SEMA4F: variants seen among roughly 807,000 people sequenced by gnomAD.
The protein encoded by SEMA4F is semaphorin-4F.
In SEMA4F, 51 loss-of-function variants were observed where a neutral mutation model predicts 78.4. The observed-to-expected ratio is 0.65, with a 90% CI of 0.52 to 0.82. The LOEUF is 0.82. Ranked by LOEUF, SEMA4F falls within the 40% of genes least tolerant of loss-of-function variation. SEMA4F has a pLI of 0.00. For missense variants in SEMA4F, 938 were observed against 1,014.4 expected (o/e 0.92, Z 1.02); for synonymous variants, 418 against 408.7 (o/e 1.02, Z -0.27).
rs1274076107 is a variant in SEMA4F at position 74,683,589 on chromosome 2, G to A, written c.*3380G>A. The A allele has an allele frequency of 2.0e-5, 3 of 152,368 alleles. No individual in the cohort carries two copies. Among genetic ancestry groups the A allele is most frequent in the African/African-American group, 4.8e-5 (2 of 41,438 alleles). 9.4% of individuals were successfully genotyped at this position (152,368 alleles called of 1,614,324 possible). On this transcript the variant is annotated 3_prime_UTR_variant, in exon 14 of 14. Transcript: ENST00000357877. ...CTGTGGCATAGAGGATTGTGAGAAA[G>A]GGTCCCCATGCTTGGTGTGGAAGGA...
At chr2:74,672,032 T>G (rs184653727) in intron 5 of SEMA4F, among the ~76,000 whole-genome samples, 4 of 152,374 alleles carry the variant, frequency 2.6e-5, no homozygotes, top group African/African-American at 9.6e-5. Flanking sequence ...TAGCATTATC[T>G]TTTTAAAAAA....
chr2:74,680,511 T>G lies in SEMA4F; in HGVS notation c.*302T>G, dbSNP rs372453768. ...GCCCCCTATCTTGGGCCCATTAGTTTTGGGGATGGGGCACAGGGCATAGCT... is the reference window on the plus strand; with the variant it reads ...GCCCCCTATCTTGGGCCCATTAGTTGTGGGGATGGGGCACAGGGCATAGCT... On this transcript the variant is annotated 3_prime_UTR_variant, in exon 14 of 14. Transcript: ENST00000357877. 2.2e-5 allele frequency: 6 copies of G among 276,010 alleles called. No individual in the cohort carries two copies. Among genetic ancestry groups the G allele is most frequent in the Admixed American group, 4.8e-5 (1 of 21,050 alleles). 17.1% of individuals were successfully genotyped at this position (276,010 alleles called of 1,614,324 possible).
chr2:74,677,063 G>A (rs539527631), intron 12 of SEMA4F, among the ~76,000 whole-genome samples: 17 of 152,022 alleles, frequency 1.1e-4, no homozygotes, highest in Admixed American at 2.0e-4. Flanking sequence ...CACCATGCCC[G>A]GCTGATTTTT....
Position 74,656,517 on chromosome 2 carries a change from T to C in SEMA4F, c.146-17T>C, listed in dbSNP as rs368023138. ...TAGGAAGCGATGGCTAACATCACTCTCCTCTCTTCCTGCCAGAGGCTGACT... is the reference window on the plus strand; with the variant it reads ...TAGGAAGCGATGGCTAACATCACTCCCCTCTCTTCCTGCCAGAGGCTGACT... On this transcript the variant is annotated splice_polypyrimidine_tract_variant and intron_variant, in intron 1 of 13. Coordinates refer to ENST00000357877, the MANE Select transcript of SEMA4F (RefSeq NM_004263.5). The C allele has an allele frequency of 1.9e-6, 3 of 1,609,172 alleles. No individual in the cohort carries two copies. The highest frequency in any genetic ancestry group is 2.6e-6 in the Non-Finnish European group (3 of 1,176,236).
At position 74,658,065 on chromosome 2, in the gene SEMA4F, GT is replaced by G. The variant is rs1684248503; in HGVS notation, c.456+115del. ...TGTGAGCGACCATGATGGGGGCATG[GT>G]CAAGGCAACCATTGTGCATGATAAG... On this transcript the variant is annotated intron_variant, in intron 4 of 13. Transcript: ENST00000357877. The surrounding 1 kb of genome is among the most constrained non-coding windows in gnomAD (Gnocchi z 4.3). 6 of 904,442 alleles carry G rather than the reference GT, an allele frequency of 6.6e-6. No homozygotes were observed. The highest frequency in any genetic ancestry group is 9.0e-6 in the Non-Finnish European group (5 of 555,418). The allele number at this position is 904,442 out of a possible 1,614,324, so 56.0% of individuals were successfully genotyped here.
At chr2:74,657,750 C>T (rs1408880327) in intron 3 of SEMA4F, 103 bp from the exon 4 acceptor site, 13 of 1,366,310 alleles carry the variant, frequency 9.5e-6, no homozygotes, top group Non-Finnish European at 1.0e-5. Context: ...ATGCCATCAC[C>T]CATCATCTCT....
the SEMA4F span, among the ~76,000 whole-genome samples, chr2:74,691,907 G>A: frequency 6.6e-6 from 1 of 152,166 alleles, no homozygotes; most frequent in Non-Finnish European, 1.5e-5. Flanking sequence ...CATGCTGGAC[G>A]TATATATGGC....
chr2:74,661,372 G>T (rs935621372), intron 4 of SEMA4F, among the ~76,000 whole-genome samples: 5 of 152,208 alleles, frequency 3.3e-5, no homozygotes, highest in Admixed American at 6.5e-5. Context: ...TTAAGTCAGT[G>T]ACCAATACTT....
At chr2:74,688,017 G>A (rs78771182), downstream of SEMA4F, among the ~76,000 whole-genome samples, 1,797 of 152,160 alleles carry the variant, frequency 0.012, 28 homozygotes, top group African/African-American at 0.041. Flanking sequence ...TATGATGTGG[G>A]CATTGAGCTA....
rs765774976 is a variant in SEMA4F at position 74,674,518 on chromosome 2, G to A, written c.843G>A (p.Lys281=). Residue 281 remains lysine, a synonymous_variant, in exon 8 of 14, where the codon AAG becomes AAA. Coordinates refer to ENST00000357877, the MANE Select transcript of SEMA4F (RefSeq NM_004263.5). ...CCCAGGGGGACCTCGGGGGCCGGAA[G>A]ACCCTCCAGCAGAGATGGACGACGT... ...RVCAGDLGGR[K]TLQQRWTTFL... 2 of 1,613,274 alleles carry A rather than the reference G, an allele frequency of 1.2e-6. No homozygotes were observed. Among genetic ancestry groups the A allele is most frequent in the Non-Finnish European group, 1.7e-6 (2 of 1,179,666 alleles).
chr2:74,676,598 G>T (rs1685294188), intron 12 of SEMA4F, among the ~76,000 whole-genome samples: 1 of 152,082 alleles, frequency 6.6e-6, no homozygotes, highest in African/African-American at 2.4e-5. Flanking sequence ...GCATCCAGTT[G>T]CTCAAGCCAG....
the SEMA4F span, among the ~76,000 whole-genome samples, chr2:74,694,532 C>G: frequency 6.6e-6 from 1 of 152,160 alleles, no homozygotes; most frequent in Non-Finnish European, 1.5e-5. Flanking sequence ...TAGCCACACC[C>G]ATCCAGGATT....
chr2:74,679,939 TCGGCGTCAGCAGCGA>T lies in SEMA4F; in HGVS notation c.2049_2063del (p.Gln685_Gln689del). ...CATCCCTGACTCTCATTCTGATTGG[TCGGCGTCAGCAGCGA>T]CGGCGACAGAGGGAACTTCTGGCTA... On this transcript the variant is annotated inframe_deletion, in exon 14 of 14. Coordinates refer to ENST00000357877, the MANE Select transcript of SEMA4F (RefSeq NM_004263.5). The T allele has an allele frequency of 6.2e-7, 1 of 1,614,156 alleles. No individual in the cohort carries two copies.
chr2:74,657,848 C>A lies in SEMA4F; in HGVS notation c.358-5C>A, dbSNP rs765794855. The A allele has an allele frequency of 4.5e-5, 72 of 1,613,428 alleles. 1 individual carries two copies. The South Asian group carries it at 7.2e-4, about 16-fold the overall frequency. On this transcript the variant is annotated splice_region_variant and splice_polypyrimidine_tract_variant and intron_variant, in intron 3 of 13. Transcript: ENST00000357877. ...TGATTCTTTCTAACCGTCTCTGACC[C>A]CCAGGACGAATGTCACAATTTTGTC...
rs925751601 is a variant in SEMA4F at position 74,682,805 on chromosome 2, C to G, written c.*2596C>G. 1.3e-5 allele frequency: 2 copies of G among 152,196 alleles called. No individual in the cohort carries two copies. The highest frequency in any genetic ancestry group is 4.8e-5 in the African/African-American group (2 of 41,406). The allele number at this position is 152,196 out of a possible 1,614,324, so 9.4% of individuals were successfully genotyped here. ...TTCAAGGAGGAGAGAGACCAGGGCT[C>G]TTATACTCTGGGCCACTATCTGCCT... On this transcript the variant is annotated 3_prime_UTR_variant, in exon 14 of 14. Coordinates refer to ENST00000357877, the MANE Select transcript of SEMA4F (RefSeq NM_004263.5).
rs1346542139 is a variant in SEMA4F, at chr2:74,658,694, A to G, written c.456+743A>G. Among the ~76,000 whole-genome samples, 1 of 152,158 alleles carries G rather than the reference A, an allele frequency of 6.6e-6. No homozygotes were observed. Among genetic ancestry groups the G allele is most frequent in the African/African-American group, 2.4e-5 (1 of 41,438 alleles). ...TGTTTCTGAATTCTCAGCTTTTCCC[A>G]TCTGTTACACAGTAGTCAGCACTGG... is the stretch of plus-strand genomic sequence containing the variant. On this transcript the variant is annotated intron_variant, in intron 4 of 13. Transcript: ENST00000357877. This position sits in a 1 kb window ranked among gnomAD's most constrained non-coding sequence, Gnocchi z 4.3.
the SEMA4F span, among the ~76,000 whole-genome samples, chr2:74,697,175 G>T: frequency 6.6e-6 from 1 of 152,212 alleles, no homozygotes; most frequent in Non-Finnish European, 1.5e-5. Context: ...GTCTTCCCAG[G>T]TTATAGTCTT....
In SEMA4F at chr2:74,680,506, T is replaced by G; in HGVS notation, c.*297T>G. 1 of 286,498 alleles carries G rather than the reference T, an allele frequency of 3.5e-6. No individual in the cohort carries two copies. The highest frequency in any genetic ancestry group is 6.5e-6 in the Non-Finnish European group (1 of 153,976). The allele number at this position is 286,498 out of a possible 1,614,324, so 17.7% of individuals were successfully genotyped here. On this transcript the variant is annotated 3_prime_UTR_variant, in exon 14 of 14. Coordinates refer to ENST00000357877, the MANE Select transcript of SEMA4F (RefSeq NM_004263.5). The stretch of plus-strand genomic sequence containing the variant: ...CCCTGGCCCCCTATCTTGGGCCCAT[T>G]AGTTTTGGGGATGGGGCACAGGGCA...
At chr2:74,692,771 C>A in the SEMA4F span, among the ~76,000 whole-genome samples, 2 of 152,190 alleles carry the variant, frequency 1.3e-5, no homozygotes, top group African/African-American at 4.8e-5. Flanking sequence ...GCAGAGCAGA[C>A]CAGCTTGGTT....
Sources: gnomAD v4.1 joint callset for allele counts (sites outside exome capture counted in the v4.1 genomes callset) on GRCh38, gnomAD v4.1.1 for gene constraint, Gnocchi (gnomAD v3.1) non-coding constraint, MANE v1.5 for transcripts, NCBI Gene and HGNC (gene_info 2026-07-23, HGNC 2026-07-21) for gene names.